The following MKRN1 variants were observed in gnomAD, a reference collection of about 807,000 sequenced individuals.
The protein encoded by MKRN1 is E3 ubiquitin-protein ligase makorin-1.
Under a neutral mutation model 55.5 loss-of-function variants are expected in MKRN1, and 9 were observed. That is an observed-to-expected ratio of 0.16 (90% CI 0.10 to 0.28). MKRN1 has a LOEUF of 0.28. MKRN1 is among the 10% of genes least tolerant of loss of function. The pLI, the probability that MKRN1 is intolerant of heterozygous loss-of-function variation, is 1.00. For missense variants in MKRN1, 488 were observed against 626.7 expected (o/e 0.78, Z 2.36); for synonymous variants, 253 against 235.9 (o/e 1.07, Z -0.66).
At chr7:140,472,336 G>A (rs141626150) in intron 1 of MKRN1, 4,477 of 275,130 alleles carry the variant, frequency 0.016, 205 homozygotes, top group African/African-American at 0.091. Context: ...AGGAGGCTGA[G>A]GCAGGAGAAC....
Position 140,462,703 on chromosome 7 carries a change from G to A in MKRN1, c.315-2767C>T, listed in dbSNP as rs530578114. On this transcript the variant is annotated intron_variant, in intron 2 of 7. Transcript: ENST00000255977. ...AATTAGGCAGGGCGCAGTGGCTCAC[G>A]CCTGTAATCCCAGCATTTTGGGAGG... Among the ~76,000 whole-genome samples the A allele has an allele frequency of 1.5e-4, 23 of 152,210 alleles. 1 individual carries two copies. Among genetic ancestry groups the A allele is most frequent in the African/African-American group, 5.3e-4 (22 of 41,542 alleles).
chr7:140,466,491 C>G (rs1353604061), intron 2 of MKRN1, among the ~76,000 whole-genome samples: 5 of 152,040 alleles, frequency 3.3e-5, no homozygotes, highest in Non-Finnish European at 7.4e-5. Flanking sequence ...ATAGGGAGAC[C>G]CCGTCTCTAC....
chr7:140,455,452 C>T, intron 6 of MKRN1: 1 of 592,120 alleles, frequency 1.7e-6, no homozygotes, highest in Non-Finnish European at 3.0e-6. Context: ...AGCTCTAGTA[C>T]AAGCAGATGC....
At chr7:140,477,687 A>T (rs1372489001) in intron 1 of MKRN1, among the ~76,000 whole-genome samples, 4 of 108,624 alleles carry the variant, frequency 3.7e-5, no homozygotes, top group Non-Finnish European at 7.6e-5. Flanking sequence ...CGAACTCCTT[A>T]CCTCAGGCGA....
intron 1 of MKRN1, among the ~76,000 whole-genome samples, chr7:140,475,696 GAA>G (rs1006561159): frequency 6.6e-6 from 1 of 152,004 alleles, no homozygotes; most frequent in African/African-American, 2.4e-5. Flanking sequence ...TAAAAATCAA[GAA>G]AAGAGTTTTT....
rs1356745497 is a variant in MKRN1, at chr7:140,454,097, G to C, written c.*420C>G. ...GGATCCACATCCCATGTCTGGGGCA[G>C]AGGGCTATTGGCCAGCTTAGGTCCC... On this transcript the variant is annotated 3_prime_UTR_variant, in exon 8 of 8. Coordinates refer to ENST00000255977, the MANE Select transcript of MKRN1 (RefSeq NM_013446.4). The C allele has an allele frequency of 4.6e-6, 1 of 217,288 alleles. No homozygotes were observed. Among genetic ancestry groups the C allele is most frequent in the Non-Finnish European group, 9.4e-6 (1 of 106,032 alleles). The allele number at this position is 217,288 out of a possible 1,614,324, so 13.5% of individuals were successfully genotyped here.
At chr7:140,458,895 C>G in intron 4 of MKRN1, 112 bp downstream of exon 4, 1 of 1,174,576 alleles carries the variant, frequency 8.5e-7, no homozygotes, top group Non-Finnish European at 1.2e-6. Flanking sequence ...TCCCTACTCA[C>G]TGATAACCAT....
chr7:140,466,981 T>A (rs1292652683), intron 2 of MKRN1, among the ~76,000 whole-genome samples: 1 of 84,388 alleles, frequency 1.2e-5, no homozygotes, highest in Non-Finnish European at 2.0e-5. Context: ...AACTTTTTCT[T>A]TTTTTTTTTT....
At chr7:140,463,111 CCT>C (rs1442167303) in intron 2 of MKRN1, among the ~76,000 whole-genome samples, 1 of 152,202 alleles carries the variant, frequency 6.6e-6, no homozygotes, top group Non-Finnish European at 1.5e-5. Context: ...CATTCATATT[CCT>C]CCTCTTAAGC....
chr7:140,476,545 GTTT>G (rs72087358), intron 1 of MKRN1, among the ~76,000 whole-genome samples: 98 of 125,960 alleles, frequency 7.8e-4, no homozygotes, highest in African/African-American at 2.6e-3. Flanking sequence ...TACAAGTTTT[GTTT>G]TTTTTTTTTT....
At chr7:140,470,731 C>A (rs947197640) in intron 2 of MKRN1, among the ~76,000 whole-genome samples, 3 of 152,130 alleles carry the variant, frequency 2.0e-5, no homozygotes, top group Admixed American at 2.0e-4. Flanking sequence ...GCCTGGCCAA[C>A]ATGATGAAAC....
rs983295375 is a variant in MKRN1 at position 140,459,843 on chromosome 7, CGAT to C, written c.405_407del (p.Ser136del). 1.9e-6 allele frequency: 3 copies of C among 1,613,800 alleles called. No homozygotes were observed. The highest frequency in any genetic ancestry group is 2.5e-6 in the Non-Finnish European group (3 of 1,179,868). ...TCATTTCAACAAGTGGTCCAACTAT[CGAT>C]GAGAGACTTGAGGAAGCAGCAAGGG... On this transcript the variant is annotated inframe_deletion, in exon 3 of 8. Transcript: ENST00000255977.
At chr7:140,463,090 A>G (rs1277640357) in intron 2 of MKRN1, among the ~76,000 whole-genome samples, 2 of 152,186 alleles carry the variant, frequency 1.3e-5, no homozygotes, top group African/African-American at 4.8e-5. Flanking sequence ...TGAAACCACC[A>G]TCTCCAAAGA....
intron 1 of MKRN1, among the ~76,000 whole-genome samples, chr7:140,475,927 T>G (rs1795103835): frequency 2.0e-5 from 3 of 151,922 alleles, no homozygotes; most frequent in Non-Finnish European, 2.9e-5. Context: ...ATAAAAGATA[T>G]GAAAAACAGC....
chr7:140,475,136 G>A, intron 1 of MKRN1: 1 of 351,556 alleles, frequency 2.8e-6, no homozygotes, highest in Non-Finnish European at 5.8e-6. Context: ...GAGGTCAGGA[G>A]TTCAAGACCA....
In MKRN1 at chr7:140,479,417, G is replaced by A; in HGVS notation, c.-73C>T. On this transcript the variant is annotated 5_prime_UTR_variant, in exon 1 of 8. Transcript: ENST00000255977. ...TAGTTCCGGTCCGGCTGCGGGGAGA[G>A]GACGGCGAGGCCAGGCGAGGGGAGG... is the stretch of plus-strand genomic sequence containing the variant. 1 of 1,250,212 alleles carries A rather than the reference G, an allele frequency of 8.0e-7. No individual in the cohort carries two copies. The allele number at this position is 1,250,212 out of a possible 1,614,324, so 77.4% of individuals were successfully genotyped here.
At chr7:140,476,827 C>A (rs1379182002) in intron 1 of MKRN1, among the ~76,000 whole-genome samples, 2 of 152,082 alleles carry the variant, frequency 1.3e-5, no homozygotes, top group African/African-American at 4.8e-5. Context: ...CGCCTCTAAT[C>A]CCAGCACTTT....
chr7:140,471,297 A>C (rs1794916480), intron 2 of MKRN1, among the ~76,000 whole-genome samples: 1 of 151,966 alleles, frequency 6.6e-6, no homozygotes, highest in Admixed American at 6.6e-5. Context: ...GGATCATTTC[A>C]GCCTGGTAAG....
rs59392050 is a variant in MKRN1, at chr7:140,476,471, C to CAAAAAA, written c.185+2683_185+2688dup. Among the ~76,000 whole-genome samples, 210 of 72,530 alleles carry CAAAAAA rather than the reference C, an allele frequency of 2.9e-3. 8 individuals carry two copies. The highest frequency in any genetic ancestry group is 0.012 in the African/African-American group (188 of 16,286). 47.6% of individuals were successfully genotyped at this position (72,530 alleles called of 152,430 possible). On this transcript the variant is annotated intron_variant, in intron 1 of 7. Coordinates refer to ENST00000255977, the MANE Select transcript of MKRN1 (RefSeq NM_013446.4). ...TGGGCGACAGAGCGACACTCCATCT[C>CAAAAAA]AAAAAAAAAAAAAAAAAAGGAAGAT...
Sources: gnomAD v4.1 joint callset for allele counts (sites outside exome capture counted in the v4.1 genomes callset) on GRCh38, gnomAD v4.1.1 for gene constraint, MANE v1.5 for transcripts, NCBI Gene and HGNC (gene_info 2026-07-23, HGNC 2026-07-21) for gene names.